The following DPP6 variants were observed in gnomAD, a reference collection of about 807,000 sequenced individuals.
DPP6 encodes the protein dipeptidyl peptidase like 6, also known as A-type potassium channel modulatory protein DPP6.
DPP6 carries 69 observed loss-of-function variants against 122.6 expected under a neutral mutation model. That is an observed-to-expected ratio of 0.56 (90% CI 0.46 to 0.69). The LOEUF is 0.69. Among genes scored for constraint, DPP6 ranks in the 30% least tolerant of loss-of-function variants. The pLI, the probability that DPP6 is intolerant of heterozygous loss-of-function variation, is 0.00. For missense variants in DPP6, 928 were observed against 1,116.9 expected, an observed-to-expected ratio of 0.83 and a Z score of 2.41; for synonymous variants, 418 against 433.1, an observed-to-expected ratio of 0.97 and a Z score of 0.43.
At chr7:154,173,833 A>G (rs1389848862) in intron 1 of DPP6, among the ~76,000 whole-genome samples, 1 of 152,162 alleles carries the variant, frequency 6.6e-6, no homozygotes, top group Non-Finnish European at 1.5e-5. Flanking sequence ...TCCCCAAACC[A>G]GTGGGACATC....
At chr7:154,887,435 A>G (rs1240979871) in intron 22 of DPP6, among the ~76,000 whole-genome samples, 1 of 152,224 alleles carries the variant, frequency 6.6e-6, no homozygotes, top group Non-Finnish European at 1.5e-5. Context: ...GCTGATGAAA[A>G]TTGCAACACC....
At chr7:154,828,882 A>G (rs920603545) in intron 16 of DPP6, among the ~76,000 whole-genome samples, 3 of 152,200 alleles carry the variant, frequency 2.0e-5, no homozygotes, top group Non-Finnish European at 4.4e-5. Context: ...TACACACCTC[A>G]GAATTTGTTT....
At chr7:154,380,878 C>A (rs748270513) in intron 1 of DPP6, among the ~76,000 whole-genome samples, 2 of 152,186 alleles carry the variant, frequency 1.3e-5, no homozygotes, top group Non-Finnish European at 2.9e-5. Flanking sequence ...GCCAGGAATG[C>A]ATAGCTTATC....
intron 16 of DPP6, among the ~76,000 whole-genome samples, chr7:154,809,695 G>A (rs535297856): frequency 2.2e-4 from 34 of 152,296 alleles, no homozygotes; most frequent in South Asian, 1.0e-3. Context: ...TAACACATAC[G>A]CAGCTTGTCT....
chr7:153,769,668 G>GGA, the DPP6 span, among the ~76,000 whole-genome samples: 233 of 152,264 alleles, frequency 1.5e-3, no homozygotes, highest in Admixed American at 2.4e-3. Context: ...TTTCTGCTCA[G>GGA]GAAGAGCTGG....
At chr7:154,884,684 AGCACACATGATCACACAG>A (rs373066090) in intron 21 of DPP6, 48,795 of 150,866 alleles carry the variant, frequency 0.32, 8,020 homozygotes, top group East Asian at 0.5. Context: ...CTCACACACA[AGCACACATGATCACACAG>A]GCACACATGA....
chr7:154,185,852 G>A (rs1585579808), intron 1 of DPP6, among the ~76,000 whole-genome samples: 1 of 152,190 alleles, frequency 6.6e-6, no homozygotes, highest in African/African-American at 2.4e-5. Flanking sequence ...TCTTAAGCAA[G>A]GTTCTGCATT....
At chr7:154,168,793 G>T (rs1797384338) in intron 1 of DPP6, among the ~76,000 whole-genome samples, 1 of 152,222 alleles carries the variant, frequency 6.6e-6, no homozygotes, top group African/African-American at 2.4e-5. Context: ...CAATAGTCAA[G>T]ATTCGTTGAG....
intron 1 of DPP6, among the ~76,000 whole-genome samples, chr7:153,935,207 AG>A (rs1201192659): frequency 6.6e-6 from 1 of 151,978 alleles, no homozygotes; most frequent in Non-Finnish European, 1.5e-5. Flanking sequence ...GCTGCAGGTC[AG>A]CAGACAGAGA....
chr7:154,076,349 C>A (rs1378303699), intron 1 of DPP6, among the ~76,000 whole-genome samples: 1 of 151,840 alleles, frequency 6.6e-6, no homozygotes, highest in African/African-American at 2.4e-5. Context: ...ACTCGGGAGG[C>A]TGAGGCAGGA....
intron 8 of DPP6, among the ~76,000 whole-genome samples, chr7:154,757,244 C>T (rs1023732170): frequency 5.9e-5 from 9 of 152,042 alleles, no homozygotes; most frequent in African/African-American, 1.9e-4. Context: ...CCCTGAGGAA[C>T]TGGGCAGCCC....
At chr7:154,318,314 T>C (rs1220135436) in intron 1 of DPP6, among the ~76,000 whole-genome samples, 2 of 152,186 alleles carry the variant, frequency 1.3e-5, no homozygotes, top group Non-Finnish European at 2.9e-5. Context: ...TTCTCACTCT[T>C]TGTATGCTTA....
chr7:154,226,548 G>A (rs1264690434), intron 1 of DPP6, among the ~76,000 whole-genome samples: 1 of 152,108 alleles, frequency 6.6e-6, no homozygotes, highest in Non-Finnish European at 1.5e-5. Flanking sequence ...GAATTGAAGT[G>A]TCTTTCTTCG....
chr7:153,818,148 CAT>C, the DPP6 span, among the ~76,000 whole-genome samples: 51 of 148,764 alleles, frequency 3.4e-4, no homozygotes, highest in Admixed American at 4.0e-4. Flanking sequence ...ATGGCCAATG[CAT>C]ATATATATAT....
the DPP6 span, among the ~76,000 whole-genome samples, chr7:153,861,955 G>A: frequency 6.6e-6 from 1 of 152,190 alleles, no homozygotes; most frequent in African/African-American, 2.4e-5. Context: ...AATGATTGCA[G>A]CTGTCAATTA....
intron 1 of DPP6, among the ~76,000 whole-genome samples, chr7:154,042,326 G>A (rs971835764): frequency 6.6e-6 from 1 of 152,130 alleles, no homozygotes; most frequent in African/African-American, 2.4e-5. Flanking sequence ...GGTGCAGCAC[G>A]GGGGCAACCA....
intron 1 of DPP6, among the ~76,000 whole-genome samples, chr7:154,028,428 C>T (rs369133465): frequency 0.12 from 16,729 of 139,022 alleles, no homozygotes; most frequent in South Asian, 0.18. Flanking sequence ...TTACAAGTAA[C>T]GCCTTCTTTC....
intron 8 of DPP6, among the ~76,000 whole-genome samples, chr7:154,766,337 A>T (rs1055934136): frequency 6.6e-6 from 1 of 151,932 alleles, no homozygotes; most frequent in African/African-American, 2.4e-5. Flanking sequence ...TATTTTTTTG[A>T]GACCTAGTCT....
intron 7 of DPP6, among the ~76,000 whole-genome samples, chr7:154,710,161 G>T (rs927566950): frequency 1.3e-5 from 2 of 152,214 alleles, no homozygotes; most frequent in Non-Finnish European, 2.9e-5. Flanking sequence ...ACATCCACAA[G>T]TGGGTGTGGA....
Sources: gnomAD v4.1 joint callset for allele counts (sites outside exome capture counted in the v4.1 genomes callset) on GRCh38, gnomAD v4.1.1 for gene constraint, MANE v1.5 for transcripts, NCBI Gene and HGNC (gene_info 2026-07-23, HGNC 2026-07-21) for gene names.